MAP2: variants seen among roughly 807,000 people sequenced by gnomAD.
The protein encoded by MAP2 is microtubule-associated protein 2.
A neutral mutation model predicts 137.6 loss-of-function variants in MAP2; 14 were observed. The observed-to-expected ratio is 0.10, with a 90% CI of 0.07 to 0.16. The LOEUF is 0.16. Among genes scored for constraint, MAP2 ranks in the 10% least tolerant of loss-of-function variants. The pLI, the probability that MAP2 is intolerant of heterozygous loss-of-function variation, is 1.00. For synonymous variants in MAP2, 786 were observed against 782.3 expected (o/e 1.00, Z -0.08); for missense variants, 2,088 against 2,191.5 (o/e 0.95, Z 0.94).
intron 3 of MAP2, among the ~76,000 whole-genome samples, chr2:209,615,493 G>A (rs973742650): frequency 1.3e-5 from 2 of 152,156 alleles, no homozygotes; most frequent in Admixed American, 6.6e-5. Context: ...GTGCTAAGTG[G>A]TAAAAGAAAA....
chr2:209,680,518 G>A (rs906760572), intron 6 of MAP2, among the ~76,000 whole-genome samples: 2 of 151,982 alleles, frequency 1.3e-5, no homozygotes, highest in African/African-American at 2.4e-5. Flanking sequence ...TTTTTCTAGA[G>A]ATGATAAAAT....
At chr2:209,645,811 T>C (rs903529514) in intron 4 of MAP2, among the ~76,000 whole-genome samples, 2 of 152,172 alleles carry the variant, frequency 1.3e-5, no homozygotes, top group African/African-American at 2.4e-5. Context: ...ATAAAGTAAA[T>C]ACTGCATTAA....
intron 3 of MAP2, among the ~76,000 whole-genome samples, chr2:209,590,974 A>G (rs140426131): frequency 6.6e-6 from 1 of 152,316 alleles, no homozygotes; most frequent in Non-Finnish European, 1.5e-5. Flanking sequence ...AGTACATACC[A>G]TGTTTATGAG....
intron 1 of MAP2, among the ~76,000 whole-genome samples, chr2:209,425,116 G>A (rs1266973896): frequency 6.6e-6 from 1 of 151,982 alleles, no homozygotes; most frequent in Non-Finnish European, 1.5e-5. Flanking sequence ...ATAGGGGGAG[G>A]GGTATGGATG....
At chr2:209,454,014 G>T (rs1390370129) in intron 1 of MAP2, among the ~76,000 whole-genome samples, 2 of 151,928 alleles carry the variant, frequency 1.3e-5, no homozygotes, top group Non-Finnish European at 2.9e-5. Context: ...AGCCAGGCGT[G>T]GTGGCGGGCG....
At chr2:209,631,304 G>A (rs889488380) in intron 4 of MAP2, among the ~76,000 whole-genome samples, 1 of 152,080 alleles carries the variant, frequency 6.6e-6, no homozygotes, top group Non-Finnish European at 1.5e-5. Context: ...TTAAACCAAC[G>A]TTTCAGTACA....
intron 1 of MAP2, among the ~76,000 whole-genome samples, chr2:209,439,890 A>G (rs532852512): frequency 6.6e-6 from 1 of 151,642 alleles, no homozygotes; most frequent in East Asian, 1.9e-4. Flanking sequence ...TGTAAATAAA[A>G]TAACATCTTA....
intron 5 of MAP2, among the ~76,000 whole-genome samples, chr2:209,671,844 C>T (rs987278345): frequency 6.6e-6 from 1 of 151,758 alleles, no homozygotes; most frequent in African/African-American, 2.4e-5. Context: ...ATAGCTGGTC[C>T]TGCTGAAAAA....
At chr2:209,614,230 A>G (rs1350565815) in intron 3 of MAP2, among the ~76,000 whole-genome samples, 1 of 152,040 alleles carries the variant, frequency 6.6e-6, no homozygotes, top group Non-Finnish European at 1.5e-5. Context: ...AATACAACAT[A>G]ATAATAGAAC....
chr2:209,433,749 A>G (rs556256099), intron 1 of MAP2, among the ~76,000 whole-genome samples: 51 of 152,212 alleles, frequency 3.4e-4, no homozygotes, highest in African/African-American at 1.2e-3. Context: ...TAATGCTGTA[A>G]CGTAACTCAA....
rs148398459 is a variant in MAP2, at chr2:209,638,652, T to C, written c.-30+13523T>C. On this transcript the variant is annotated intron_variant, in intron 4 of 15. Coordinates refer to ENST00000682079, the MANE Select transcript of MAP2 (RefSeq NM_001375505.1). ...CTTTAAAATGCATGTAATACAAATG[T>C]TTTGCATCCATCCATTTTTCTTTTT... 3.5e-3 allele frequency among the ~76,000 whole-genome samples: 532 copies of C among 152,264 alleles called. 7 individuals carry two copies. The highest frequency in any genetic ancestry group is 0.031 in the South Asian group (151 of 4,820).
chr2:209,546,255 A>C (rs1033348904), intron 2 of MAP2, among the ~76,000 whole-genome samples: 2 of 152,258 alleles, frequency 1.3e-5, no homozygotes, highest in African/African-American at 4.8e-5. Flanking sequence ...CACATATATA[A>C]GTATGTATAT....
chr2:209,635,240 A>G (rs2093449461), intron 4 of MAP2, among the ~76,000 whole-genome samples: 1 of 152,168 alleles, frequency 6.6e-6, no homozygotes, highest in Non-Finnish European at 1.5e-5. Flanking sequence ...TATTAAAGGA[A>G]TCAATTGATT....
At chr2:209,621,413 C>T (rs2091158082) in intron 3 of MAP2, among the ~76,000 whole-genome samples, 1 of 151,364 alleles carries the variant, frequency 6.6e-6, no homozygotes, top group East Asian at 2.0e-4. Flanking sequence ...CATGCACCAC[C>T]ATGCCCAGCT....
chr2:209,624,165 GT>G (rs1253189635), intron 3 of MAP2, among the ~76,000 whole-genome samples: 2 of 152,084 alleles, frequency 1.3e-5, no homozygotes, highest in Non-Finnish European at 2.9e-5. Context: ...GAGTTAATAG[GT>G]GTCAGAGTTT....
intron 5 of MAP2, among the ~76,000 whole-genome samples, chr2:209,671,590 C>A (rs753299470): frequency 6.6e-6 from 1 of 151,850 alleles, no homozygotes; most frequent in Non-Finnish European, 1.5e-5. Context: ...TGTTTTCCTT[C>A]TTCCACAAGC....
intron 4 of MAP2, among the ~76,000 whole-genome samples, chr2:209,639,458 T>C (rs1217418628): frequency 6.6e-6 from 1 of 152,082 alleles, no homozygotes; most frequent in Non-Finnish European, 1.5e-5. Context: ...CCACTCACAC[T>C]GCCATAGCTC....
At chr2:209,717,138 A>C (rs1342167222) in intron 13 of MAP2, among the ~76,000 whole-genome samples, 1 of 152,184 alleles carries the variant, frequency 6.6e-6, no homozygotes, top group Non-Finnish European at 1.5e-5. Context: ...ATAAAGAGCT[A>C]CCCAAGACTG....
chr2:209,495,845 A>G (rs1576304195), intron 1 of MAP2, among the ~76,000 whole-genome samples: 2 of 152,324 alleles, frequency 1.3e-5, no homozygotes, highest in South Asian at 4.1e-4. Flanking sequence ...AGCCTTCATA[A>G]AACAAATTCC....
Sources: gnomAD v4.1 joint callset for allele counts (sites outside exome capture counted in the v4.1 genomes callset) on GRCh38, gnomAD v4.1.1 for gene constraint, MANE v1.5 for transcripts, NCBI Gene and HGNC (gene_info 2026-07-23, HGNC 2026-07-21) for gene names.